Variants in SLC27A6 observed in about 807,000 individuals in gnomAD.
SLC27A6 encodes solute carrier family 27 member 6, also known as long-chain fatty acid transport protein 6.
In SLC27A6, 74 loss-of-function variants were observed where a neutral mutation model predicts 63.9. The ratio of observed to expected loss-of-function variants is 1.16; its 90% CI spans 0.96 to 1.40. SLC27A6 has a LOEUF of 1.40. Ranked by LOEUF, SLC27A6 falls within the 40% of genes most tolerant of loss-of-function variation. The pLI is 0.00. For synonymous variants in SLC27A6, 287 were observed against 260.8 expected (o/e 1.10, Z -0.97); for missense variants, 794 against 732.9 (o/e 1.08, Z -0.96).
At chr5:129,030,175 C>T (rs1752371091) in intron 9 of SLC27A6, among the ~76,000 whole-genome samples, 1 of 152,038 alleles carries the variant, frequency 6.6e-6, no homozygotes, top group Non-Finnish European at 1.5e-5. Flanking sequence ...GGACCTTCCC[C>T]ATGTGAGAAA....
intron 4 of SLC27A6, among the ~76,000 whole-genome samples, chr5:128,998,671 A>G (rs1399063083): frequency 1.3e-5 from 2 of 152,110 alleles, no homozygotes; most frequent in Non-Finnish European, 2.9e-5. Context: ...ATTTGATATT[A>G]ATTTAACATT....
intron 5 of SLC27A6, among the ~76,000 whole-genome samples, chr5:129,020,950 G>T (rs575930050): frequency 1.2e-3 from 177 of 151,962 alleles, no homozygotes; most frequent in African/African-American, 3.8e-3. Flanking sequence ...TACTTTCCTG[G>T]AATTGTATAA....
At chr5:128,975,021 A>G (rs1277370630) in intron 1 of SLC27A6, among the ~76,000 whole-genome samples, 3 of 152,244 alleles carry the variant, frequency 2.0e-5, no homozygotes, top group Non-Finnish European at 4.4e-5. Context: ...ATATACAGTC[A>G]TGAATCACTT....
intron 1 of SLC27A6, among the ~76,000 whole-genome samples, chr5:128,984,870 C>T (rs1750731109): frequency 6.6e-6 from 1 of 152,076 alleles, no homozygotes; most frequent in African/African-American, 2.4e-5. Context: ...GAGGGAAACC[C>T]ATAATTTGAA....
Position 128,986,463 on chromosome 5 carries a change from C to A in SLC27A6, c.685+1127C>A, listed in dbSNP as rs189398575. On this transcript the variant is annotated intron_variant, in intron 2 of 9. Coordinates refer to ENST00000262462, the MANE Select transcript of SLC27A6 (RefSeq NM_001017372.3). ...CTTAGACATATTAAGAGTATTGTTA[C>A]TCATTTCTTGTGCATAGGTTGTGAG... Among the ~76,000 whole-genome samples the A allele has an allele frequency of 3.9e-3, 596 of 152,274 alleles. 1 individual carries two copies. The highest frequency in any genetic ancestry group is 6.8e-3 in the Non-Finnish European group (465 of 68,022).
Position 128,985,292 on chromosome 5 carries a change from T to C in SLC27A6, c.641T>C (p.Leu214Pro). ...PVPRSHHVVSLLKSTCLYIFT... is the reference protein window; with the variant it reads ...PVPRSHHVVSPLKSTCLYIFT... ...CCACGCAGCCACCATGTTGTCTCAC[T>C]CCTCAAGTCTACTTGTCTTTACATT... Residue 214 changes from leucine (L) to proline (P), a missense_variant, in exon 2 of 10, where the codon CTC becomes CCC. Coordinates refer to ENST00000262462, the MANE Select transcript of SLC27A6 (RefSeq NM_001017372.3). The C allele has an allele frequency of 6.2e-7, 1 of 1,614,112 alleles. No homozygotes were observed. Among genetic ancestry groups the C allele is most frequent in the Non-Finnish European group, 8.5e-7 (1 of 1,179,980 alleles).
chr5:128,982,751 G>A (rs1561613992), intron 1 of SLC27A6, among the ~76,000 whole-genome samples: 1 of 152,074 alleles, frequency 6.6e-6, no homozygotes, highest in African/African-American at 2.4e-5. Flanking sequence ...TTCACATTTT[G>A]CCAAAGCAAT....
At chr5:129,029,528 A>C in intron 8 of SLC27A6, 49 bp from the exon 9 acceptor site, 1 of 1,306,264 alleles carries the variant, frequency 7.7e-7, no homozygotes, top group Non-Finnish European at 1.1e-6. Flanking sequence ...ATTATCTTTT[A>C]AAGTTTATTT....
chr5:128,991,942 C>T (rs1301952699), intron 4 of SLC27A6, among the ~76,000 whole-genome samples: 1 of 151,656 alleles, frequency 6.6e-6, no homozygotes, highest in Non-Finnish European at 1.5e-5. Context: ...TCTTCTTTAA[C>T]TTTATGATTT....
At position 128,975,212 on chromosome 5, in the gene SLC27A6, G is replaced by T. The variant is rs1440652109; in HGVS notation, c.481+8594G>T. Among the ~76,000 whole-genome samples the T allele has an allele frequency of 2.0e-5, 3 of 152,306 alleles. No homozygotes were observed. In the East Asian group the frequency reaches 5.8e-4, roughly 29 times the overall value. Reference sequence around the variant, plus strand: ...CTAAAAATACAAAAATTAGCCGAGTGTGGTGGCAGACACTGGTAATCCCAG... The same window carrying T: ...CTAAAAATACAAAAATTAGCCGAGTTTGGTGGCAGACACTGGTAATCCCAG... On this transcript the variant is annotated intron_variant, in intron 1 of 9. Coordinates refer to ENST00000262462, the MANE Select transcript of SLC27A6 (RefSeq NM_001017372.3).
intron 9 of SLC27A6, among the ~76,000 whole-genome samples, chr5:129,030,681 T>C (rs925044768): frequency 1.3e-5 from 2 of 151,966 alleles, no homozygotes; most frequent in African/African-American, 4.8e-5. Context: ...TAGTTGTAGA[T>C]TGACACGCAC....
chr5:128,996,574 G>A (rs1580722778), intron 4 of SLC27A6, among the ~76,000 whole-genome samples: 1 of 152,170 alleles, frequency 6.6e-6, no homozygotes, highest in South Asian at 2.1e-4. Flanking sequence ...GCCCCTAAGA[G>A]TTTACAGGTT....
chr5:128,966,275 G>T lies in SLC27A6; in HGVS notation c.138G>T (p.Lys46Asn). 6.2e-7 allele frequency: 1 copy of T among 1,614,002 alleles called. No individual in the cohort carries two copies. The highest frequency in any genetic ancestry group is 8.5e-7 in the Non-Finnish European group (1 of 1,179,924). ...KVVLIIIRLKKYEKRGELVTV... is the reference protein window; with the variant it reads ...KVVLIIIRLKNYEKRGELVTV... ...TGCTCATTATAATTCGGCTGAAGAA[G>T]TATGAAAAGAGAGGGGAGCTGGTGA... Residue 46 changes from lysine to asparagine, a missense_variant, in exon 1 of 10, where the codon AAG becomes AAT. Lys to Asn is a moderately conservative substitution (Grantham distance 94). Coordinates refer to ENST00000262462, the MANE Select transcript of SLC27A6 (RefSeq NM_001017372.3).
At chr5:128,968,029 G>C (rs554236836) in intron 1 of SLC27A6, among the ~76,000 whole-genome samples, 6 of 152,072 alleles carry the variant, frequency 3.9e-5, no homozygotes, top group African/African-American at 1.4e-4. Context: ...TTCTGTCCTT[G>C]TGATAGTTTG....
At chr5:129,022,845 AG>A (rs1439253556) in intron 5 of SLC27A6, among the ~76,000 whole-genome samples, 17 of 152,230 alleles carry the variant, frequency 1.1e-4, no homozygotes, top group African/African-American at 4.1e-4. Context: ...AAAACAAAAT[AG>A]GAGGAGGTTG....
At chr5:128,987,847 A>G (rs1750844119) in intron 2 of SLC27A6, among the ~76,000 whole-genome samples, 1 of 152,088 alleles carries the variant, frequency 6.6e-6, no homozygotes, top group African/African-American at 2.4e-5. Flanking sequence ...ATAAGGAAGG[A>G]AAGAGAAGAA....
intron 1 of SLC27A6, among the ~76,000 whole-genome samples, chr5:128,973,823 G>A (rs1371382752): frequency 6.6e-6 from 1 of 152,202 alleles, no homozygotes; most frequent in African/African-American, 2.4e-5. Context: ...TACCTCAGTT[G>A]GAAATGCAGA....
At chr5:129,001,943 A>G (rs891970308) in intron 4 of SLC27A6, among the ~76,000 whole-genome samples, 2 of 152,228 alleles carry the variant, frequency 1.3e-5, no homozygotes, top group African/African-American at 4.8e-5. Context: ...CTACAGTTCA[A>G]CTTACTGTGC....
Position 128,966,576 on chromosome 5 carries a change from T to A in SLC27A6, c.439T>A (p.Cys147Ser). 2 of 1,553,508 alleles carry A rather than the reference T, an allele frequency of 1.3e-6. No individual in the cohort carries two copies. The highest frequency in any genetic ancestry group is 1.3e-5 in the South Asian group (1 of 79,536). Reference protein sequence around the residue: ...TNIRSNSLLNCIRACGPRALV... With the variant: ...TNIRSNSLLNSIRACGPRALV... Reference sequence around the variant, plus strand: ...CATTCGCTCCAACTCCCTCCTGAATTGCATCCGCGCCTGTGGGCCCAGAGC... The same window carrying A: ...CATTCGCTCCAACTCCCTCCTGAATAGCATCCGCGCCTGTGGGCCCAGAGC... The change falls in exon 1 of 10, where the codon TGC becomes AGC. Residue 147 changes from cysteine to serine, a missense_variant. By Grantham distance (112) the Cys-to-Ser change is moderately radical (BLOSUM62 -1). Transcript: ENST00000262462.
Sources: allele counts gnomAD v4.1 joint callset (sites outside exome capture counted in the v4.1 genomes callset), GRCh38; gene constraint gnomAD v4.1.1; transcripts MANE v1.5; gene names NCBI Gene and HGNC (gene_info 2026-07-23, HGNC 2026-07-21).